Variants in FMNL2 observed in about 807,000 individuals in gnomAD.
FMNL2 encodes formin-like protein 2.
A neutral mutation model predicts 130.2 loss-of-function variants in FMNL2; 51 were observed. That is an observed-to-expected ratio of 0.39 (90% confidence interval 0.31 to 0.49). FMNL2 has a LOEUF of 0.49. FMNL2 is among the 20% of genes least tolerant of loss of function. The pLI, the probability that FMNL2 is intolerant of heterozygous loss-of-function variation, is 0.85. For missense variants in FMNL2, 977 were observed against 1,316.2 expected (o/e 0.74, Z 3.99); for synonymous variants, 465 against 467.1 (o/e 1.00, Z 0.06).
In FMNL2 at chr2:152,636,542, CAAT is replaced by C. The variant is rs563346055; in HGVS notation, c.2797_2799del (p.Asn933del). On this transcript the variant is annotated inframe_deletion, in exon 22 of 26. Transcript: ENST00000288670. ...CGCTGCTGAAGGAGTTCATCCTCAACAATGAGGGGAAGCTGAAGAAGCTGCAGG... is the reference window on the plus strand; with the variant it reads ...CGCTGCTGAAGGAGTTCATCCTCAACGAGGGGAAGCTGAAGAAGCTGCAGG... 5,274 of 1,586,442 alleles carry C rather than the reference CAAT, an allele frequency of 3.3e-3. 17 individuals carry two copies. Among genetic ancestry groups the C allele is most frequent in the Non-Finnish European group, 3.9e-3 (4,567 of 1,165,354 alleles).
intron 9 of FMNL2, among the ~76,000 whole-genome samples, chr2:152,603,362 G>A (rs1391431562): frequency 2.0e-5 from 3 of 147,834 alleles, no homozygotes; most frequent in African/African-American, 7.5e-5. Context: ...TTTTCGCCAA[G>A]TTCATAGCAG....
intron 1 of FMNL2, among the ~76,000 whole-genome samples, chr2:152,354,810 C>CT (rs1682694819): frequency 6.6e-6 from 1 of 152,176 alleles, no homozygotes; most frequent in Non-Finnish European, 1.5e-5. Context: ...TCAGACTAGT[C>CT]TGAGATAAAA....
chr2:152,647,721 C>T, intron 25 of FMNL2, 75 bp from the exon 26 acceptor site: 2 of 1,397,574 alleles, frequency 1.4e-6, no homozygotes, highest in Non-Finnish European at 2.0e-6. Context: ...GATTGGCTGC[C>T]AGCTGGCCTT....
intron 1 of FMNL2, among the ~76,000 whole-genome samples, chr2:152,432,503 T>TCC (rs1352231889): frequency 6.6e-6 from 1 of 152,184 alleles, no homozygotes; most frequent in Admixed American, 6.5e-5. Context: ...TTTGGCTGCC[T>TCC]CCCGTTCCTT....
intron 20 of FMNL2, 144 bp downstream of exon 20, chr2:152,630,049 C>CAA (rs1682059185): frequency 1.4e-6 from 1 of 697,352 alleles, no homozygotes; most frequent in East Asian, 2.7e-5. Flanking sequence ...CACCATTTGA[C>CAA]AGAGAGCACA....
intron 1 of FMNL2, among the ~76,000 whole-genome samples, chr2:152,432,811 G>A (rs1687567364): frequency 6.6e-6 from 1 of 152,232 alleles, no homozygotes; most frequent in African/African-American, 2.4e-5. Flanking sequence ...TAGTCCTGCA[G>A]TGTAGGATAA....
chr2:152,521,829 G>A (rs900855676), intron 1 of FMNL2, 114 bp from the exon 2 acceptor site: 3 of 792,324 alleles, frequency 3.8e-6, no homozygotes, highest in African/African-American at 3.5e-5. Context: ...ACTAGGAATT[G>A]AGAGAAAGTC....
At chr2:152,383,542 C>G (rs903998691) in intron 1 of FMNL2, among the ~76,000 whole-genome samples, 4 of 151,634 alleles carry the variant, frequency 2.6e-5, no homozygotes, top group Non-Finnish European at 5.9e-5. Context: ...CGAGACCAGC[C>G]TGGGCAACAT....
intron 1 of FMNL2, among the ~76,000 whole-genome samples, chr2:152,477,397 T>C (rs530703704): frequency 1.3e-5 from 2 of 152,312 alleles, no homozygotes; most frequent in Non-Finnish European, 1.5e-5. Flanking sequence ...AATGAGGATG[T>C]TGGAAATAAA....
chr2:152,598,047 C>A (rs539761103), intron 9 of FMNL2, among the ~76,000 whole-genome samples: 1 of 152,332 alleles, frequency 6.6e-6, no homozygotes, highest in East Asian at 1.9e-4. Flanking sequence ...TCATGGCACA[C>A]CATGCACTGA....
intron 1 of FMNL2, among the ~76,000 whole-genome samples, chr2:152,404,371 G>A (rs531132919): frequency 1.1e-4 from 17 of 152,230 alleles, no homozygotes; most frequent in Admixed American, 3.9e-4. Context: ...TGGTTCACAG[G>A]CACTTAACAG....
At chr2:152,537,350 G>A (rs1369173756) in intron 2 of FMNL2, among the ~76,000 whole-genome samples, 3 of 152,188 alleles carry the variant, frequency 2.0e-5, no homozygotes, top group African/African-American at 4.8e-5. Context: ...GCAGGTATGT[G>A]TATAGGCAGC....
At chr2:152,403,801 G>A (rs1171832898) in intron 1 of FMNL2, among the ~76,000 whole-genome samples, 1 of 152,206 alleles carries the variant, frequency 6.6e-6, no homozygotes, top group African/African-American at 2.4e-5. Context: ...CGGGCACAGT[G>A]GCTCACGCCT....
intron 1 of FMNL2, among the ~76,000 whole-genome samples, chr2:152,415,191 C>T (rs1389805430): frequency 6.6e-6 from 1 of 151,988 alleles, no homozygotes; most frequent in African/African-American, 2.4e-5. Context: ...CAAAAAAACC[C>T]CAGGGATTGA....
chr2:152,635,131 T>C (rs1011126152), intron 21 of FMNL2, among the ~76,000 whole-genome samples: 2 of 152,222 alleles, frequency 1.3e-5, no homozygotes, highest in African/African-American at 2.4e-5. Context: ...TCTCAGCTTA[T>C]AAGGCACCCA....
intron 1 of FMNL2, among the ~76,000 whole-genome samples, chr2:152,393,002 T>C (rs1414686433): frequency 2.0e-5 from 3 of 152,154 alleles, no homozygotes; most frequent in Non-Finnish European, 4.4e-5. Flanking sequence ...TGGGTCCTCT[T>C]TCAGGCCTCC....
chr2:152,517,789 GTTAC>G (rs1391697331), intron 1 of FMNL2, among the ~76,000 whole-genome samples: 1 of 152,162 alleles, frequency 6.6e-6, no homozygotes, highest in Non-Finnish European at 1.5e-5. Flanking sequence ...CTTGCAGGCA[GTTAC>G]TTGGTGATTA....
chr2:152,642,171 A>G (rs1683147273), intron 25 of FMNL2, among the ~76,000 whole-genome samples: 1 of 152,074 alleles, frequency 6.6e-6, no homozygotes, highest in African/African-American at 2.4e-5. Context: ...CGATCTCCTG[A>G]CCTCGTGATC....
intron 1 of FMNL2, among the ~76,000 whole-genome samples, chr2:152,380,801 G>C (rs75290450): frequency 6.6e-6 from 1 of 152,296 alleles, no homozygotes; most frequent in East Asian, 1.9e-4. Flanking sequence ...TGTTGGGCTA[G>C]AGCTGCATTA....
Sources: allele counts gnomAD v4.1 joint callset (sites outside exome capture counted in the v4.1 genomes callset), GRCh38; gene constraint gnomAD v4.1.1; transcripts MANE v1.5; gene names NCBI Gene and HGNC (gene_info 2026-07-23, HGNC 2026-07-21).